Variants in ANKS1A observed in about 807,000 individuals in gnomAD.
ANKS1A encodes the protein ankyrin repeat and SAM domain-containing protein 1A.
In ANKS1A, 55 loss-of-function variants were observed where a neutral mutation model predicts 120.3. The observed-to-expected ratio is 0.46, with a 90% CI of 0.37 to 0.57. The LOEUF (loss-of-function observed/expected upper bound fraction) is 0.57. Among genes scored for constraint, ANKS1A ranks in the 20% least tolerant of loss-of-function variants. The probability of loss-of-function intolerance (pLI) is 0.00; values close to 1 mark genes in which losing one functional copy is unlikely to be tolerated. For synonymous variants in ANKS1A, 590 were observed against 604.7 expected (o/e 0.98, Z 0.36); for missense variants, 1,123 against 1,480.3 (o/e 0.76, Z 3.96).
intron 1 of ANKS1A, among the ~76,000 whole-genome samples, chr6:34,952,882 G>T (rs1183143443): frequency 1.3e-5 from 2 of 151,858 alleles, no homozygotes; most frequent in Admixed American, 6.6e-5. Context: ...GCTAACTTTT[G>T]TATTTTTAGT....
In ANKS1A at chr6:34,924,090, C is replaced by CGTGTGTGTGTGTGT. The variant is rs71794086; in HGVS notation, c.197+34516_197+34529dup. On this transcript the variant is annotated intron_variant, in intron 1 of 23. Transcript: ENST00000360359. ...TGACATAGAATAGAGGGGGCTTTTTCGTGTGTGTGTGTGTGTGTGTGTGTG... is the reference window on the plus strand; with the variant it reads ...TGACATAGAATAGAGGGGGCTTTTTCGTGTGTGTGTGTGTGTGTGTGTGTGTGTGTGTGTGTGTG... Among the ~76,000 whole-genome samples, 393 of 143,244 alleles carry CGTGTGTGTGTGTGT rather than the reference C, an allele frequency of 2.7e-3. 1 individual carries two copies. Among genetic ancestry groups the CGTGTGTGTGTGTGT allele is most frequent in the African/African-American group, 4.0e-3 (154 of 38,652 alleles). 94.0% of individuals were successfully genotyped at this position (143,244 alleles called of 152,430 possible). A position where few individuals can be genotyped will look rare whatever the true frequency, so the allele number is the denominator to read the frequency against.
chr6:34,889,436 C>A lies in ANKS1A; in HGVS notation c.34C>A (p.Arg12Ser). The change falls in exon 1 of 24, where the codon CGC (arginine) becomes AGC (serine). Residue 12 changes from arginine (R) to serine (S), a missense_variant. Physicochemically the swap from Arg to Ser is moderately radical, Grantham distance 110. Transcript: ENST00000360359. This position sits in a 1 kb window ranked among gnomAD's most constrained non-coding sequence, Gnocchi z 5.5. ...GGAGCAGGAGCTGCTGGAGGCGGCC[C>A]GCACCGGGCACCTCCCGGCGGTGGA... ...GKEQELLEAA[R>S]TGHLPAVEKL... 1 of 1,286,660 alleles carries A rather than the reference C, an allele frequency of 7.8e-7. No individual in the cohort carries two copies. Among genetic ancestry groups the A allele is most frequent in the Non-Finnish European group, 9.8e-7 (1 of 1,020,374 alleles). 79.7% of individuals were successfully genotyped at this position (1,286,660 alleles called of 1,614,324 possible). A position where few individuals can be genotyped will look rare whatever the true frequency, so the allele number is the denominator to read the frequency against.
At chr6:35,042,669 C>T (rs559919771) in intron 11 of ANKS1A, among the ~76,000 whole-genome samples, 1 of 152,316 alleles carries the variant, frequency 6.6e-6, no homozygotes, top group East Asian at 1.9e-4. Flanking sequence ...GCAATCAGTC[C>T]ACAAAGGGTG....
rs892022491 is a variant in ANKS1A, at chr6:35,090,687, A to G, written c.*2078A>G. ...GTCTCCCTTTCCTAGAAAGGTTATT[A>G]TAACTTTAAGGACAGGCTTCAAGTG... On this transcript the variant is annotated 3_prime_UTR_variant, in exon 24 of 24. Coordinates refer to ENST00000360359, the MANE Select transcript of ANKS1A (RefSeq NM_015245.3). The G allele has an allele frequency of 9.1e-6, 9 of 988,884 alleles. No homozygotes were observed. The highest frequency in any genetic ancestry group is 4.6e-5 in the South Asian group (1 of 21,546). 61.3% of individuals were successfully genotyped at this position (988,884 alleles called of 1,614,324 possible). A position where few individuals can be genotyped will look rare whatever the true frequency, so the allele number is the denominator to read the frequency against.
chr6:34,944,358 A>G (rs979536806), intron 1 of ANKS1A, among the ~76,000 whole-genome samples: 1 of 151,908 alleles, frequency 6.6e-6, no homozygotes, highest in African/African-American at 2.4e-5. Flanking sequence ...CCTCACTGTC[A>G]TTTGGTGTTA....
At chr6:34,969,895 C>T in intron 2 of ANKS1A, 115 bp from the exon 3 acceptor site, 1 of 1,252,494 alleles carries the variant, frequency 8.0e-7, no homozygotes, top group Non-Finnish European at 1.1e-6. Context: ...CAGGTAGAGA[C>T]ACAGGAGCCA....
At chr6:34,978,421 GACAGGGAA>G (rs932034476) in intron 3 of ANKS1A, among the ~76,000 whole-genome samples, 7 of 152,200 alleles carry the variant, frequency 4.6e-5, no homozygotes, top group African/African-American at 1.7e-4. Context: ...TGGAAGGTGT[GACAGGGAA>G]ACATTCCAGA....
chr6:34,905,288 CT>C (rs1181244511), intron 1 of ANKS1A, among the ~76,000 whole-genome samples: 3 of 152,240 alleles, frequency 2.0e-5, no homozygotes, highest in African/African-American at 7.2e-5. Context: ...TGTGCATTGA[CT>C]TTTGTCCTCA....
In ANKS1A at chr6:34,983,231, C is replaced by A; in HGVS notation, c.910+17C>A. ...TAATTGAAGGTATCATCCTTTCTCC[C>A]TGTCTGGGTGACCAGGGGACACACG... On this transcript the variant is annotated intron_variant, in intron 6 of 23. Transcript: ENST00000360359. 6.2e-7 allele frequency: 1 copy of A among 1,613,452 alleles called. No homozygotes were observed. The highest frequency in any genetic ancestry group is 8.5e-7 in the Non-Finnish European group (1 of 1,179,426).
chr6:34,929,020 C>T (rs1395214267), intron 1 of ANKS1A, among the ~76,000 whole-genome samples: 1 of 152,120 alleles, frequency 6.6e-6, no homozygotes, highest in Non-Finnish European at 1.5e-5. Context: ...TCTCAGAAAT[C>T]TGTTTACTAA....
At position 35,089,386 on chromosome 6, in the gene ANKS1A, C is replaced by T; in HGVS notation, c.*777C>T. 6 of 986,688 alleles carry T rather than the reference C, an allele frequency of 6.1e-6. No individual in the cohort carries two copies. Among genetic ancestry groups the T allele is most frequent in the Non-Finnish European group, 7.2e-6 (6 of 830,580 alleles). 61.1% of individuals were successfully genotyped at this position (986,688 alleles called of 1,614,324 possible). On this transcript the variant is annotated 3_prime_UTR_variant, in exon 24 of 24. Transcript: ENST00000360359. ...CGCCAGGCCTCTCCCTGGCCTCTTA[C>T]CTGTCAGTGATCGGAGCACTGCCCT...
At chr6:34,941,725 G>A (rs530330999) in intron 1 of ANKS1A, among the ~76,000 whole-genome samples, 12 of 152,312 alleles carry the variant, frequency 7.9e-5, no homozygotes, top group African/African-American at 2.9e-4. Flanking sequence ...ATTCCTTGGG[G>A]ATAACTTTCG....
chr6:35,000,273 T>C (rs1024563523), intron 10 of ANKS1A, among the ~76,000 whole-genome samples: 3 of 151,500 alleles, frequency 2.0e-5, no homozygotes, highest in Non-Finnish European at 4.4e-5. Flanking sequence ...AAGCCATCTA[T>C]ACCAATTCTA....
chr6:35,021,217 T>C (rs1177930209), intron 11 of ANKS1A, among the ~76,000 whole-genome samples: 1 of 152,214 alleles, frequency 6.6e-6, no homozygotes, highest in Non-Finnish European at 1.5e-5. Context: ...TGCCATATCC[T>C]GTTCTTGCTG....
chr6:35,027,433 G>A (rs1052601600), intron 11 of ANKS1A, among the ~76,000 whole-genome samples: 12 of 152,168 alleles, frequency 7.9e-5, no homozygotes, highest in Admixed American at 7.2e-4. Flanking sequence ...CAGGGTAGAG[G>A]GAGCTTCTTA....
At position 35,090,187 on chromosome 6, in the gene ANKS1A, T is replaced by C; in HGVS notation, c.*1578T>C. 7.8e-7 allele frequency: 1 copy of C among 1,289,458 alleles called. No homozygotes were observed. The highest frequency in any genetic ancestry group is 1.2e-5 in the South Asian group (1 of 81,030). 79.9% of individuals were successfully genotyped at this position (1,289,458 alleles called of 1,614,324 possible). ...CACTTCTTGGTACTAAACGAAGATC[T>C]CGACACCTTGCAGTTTTACTTCATT... On this transcript the variant is annotated 3_prime_UTR_variant, in exon 24 of 24. Coordinates refer to ENST00000360359, the MANE Select transcript of ANKS1A (RefSeq NM_015245.3).
chr6:35,086,016 G>T lies in ANKS1A; in HGVS notation c.3303+80G>T. 3 of 1,474,618 alleles carry T rather than the reference G, an allele frequency of 2.0e-6. No individual in the cohort carries two copies. The highest frequency in any genetic ancestry group is 2.7e-6 in the Non-Finnish European group (3 of 1,116,520). 91.3% of individuals were successfully genotyped at this position (1,474,618 alleles called of 1,614,324 possible). ...GGCTCAGGGTGGTCAGCGTGAGGAG[G>T]GTCTTCTGGCACTTCCAGAAAGCTG... On this transcript the variant is annotated intron_variant, in intron 22 of 23. Transcript: ENST00000360359. The surrounding 1 kb of genome is among the most constrained non-coding windows in gnomAD (Gnocchi z 5.1).
chr6:35,055,747 C>T (rs528188861), intron 12 of ANKS1A, among the ~76,000 whole-genome samples: 2 of 152,342 alleles, frequency 1.3e-5, no homozygotes, highest in South Asian at 2.1e-4. Flanking sequence ...CCCAGAGCCA[C>T]CATCGCTCCA....
chr6:35,079,535 A>G lies in ANKS1A; in HGVS notation c.2303A>G (p.Asp768Gly), dbSNP rs1433866538. The part of the protein sequence containing the change: ...SLPKVKALGY[D>G]GNSPPSVPSW... ...CTGTAGGTGAAGGCTCTGGGTTATG[A>G]CGGGAACAGCCCCCCTAGCGTGCCC... Residue 768 changes from aspartate to glycine, a missense_variant, in exon 15 of 24, where the codon GAC (aspartate) becomes GGC (glycine). Transcript: ENST00000360359. The G allele has an allele frequency of 1.9e-6, 3 of 1,613,548 alleles. No homozygotes were observed. In the African/African-American group the frequency reaches 4.0e-5, roughly 22 times the overall value.
Sources: gnomAD v4.1 joint callset for allele counts (sites outside exome capture counted in the v4.1 genomes callset) on GRCh38, gnomAD v4.1.1 for gene constraint, Gnocchi (gnomAD v3.1) non-coding constraint, MANE v1.5 for transcripts, NCBI Gene and HGNC (gene_info 2026-07-23, HGNC 2026-07-21) for gene names.